TTC6: variants seen among roughly 807,000 people sequenced by gnomAD.
The protein encoded by TTC6 is tetratricopeptide repeat protein 6.
TTC6 carries 172 observed loss-of-function variants against 210.4 expected under a neutral mutation model. The observed-to-expected ratio is 0.82, with a 90% confidence interval of 0.72 to 0.93. The LOEUF is 0.93. Among genes scored for constraint, TTC6 ranks in the 40% least tolerant of loss-of-function variants. The probability of loss-of-function intolerance (pLI) is 0.00; values close to 1 mark genes in which losing one functional copy is unlikely to be tolerated. For synonymous variants in TTC6, 804 were observed against 819.6 expected (o/e 0.98, Z 0.32); for missense variants, 2,414 against 2,318.1 (o/e 1.04, Z -0.85).
intron 5 of TTC6, among the ~76,000 whole-genome samples, chr14:37,711,998 A>G (rs2095845485): frequency 6.6e-6 from 1 of 152,106 alleles, no homozygotes; most frequent in Non-Finnish European, 1.5e-5. Flanking sequence ...TTTTCTCTGG[A>G]CAAAAAGAAG....
chr14:37,770,756 C>G (rs1276450393), intron 14 of TTC6, among the ~76,000 whole-genome samples: 3 of 147,672 alleles, frequency 2.0e-5, no homozygotes, highest in African/African-American at 7.4e-5. Context: ...ACTCTTTATC[C>G]AATTTGCCAG....
intron 5 of TTC6, among the ~76,000 whole-genome samples, chr14:37,703,347 T>C (rs1801123444): frequency 6.6e-6 from 1 of 152,136 alleles, no homozygotes; most frequent in Non-Finnish European, 1.5e-5. Context: ...TGGCAATTTG[T>C]TCCTAAGTAC....
intron 29 of TTC6, among the ~76,000 whole-genome samples, chr14:37,835,654 G>T (rs4901297): frequency 0.87 from 132,156 of 152,098 alleles, 58,370 homozygotes; most frequent in Non-Finnish European, 0.95. Flanking sequence ...AGTGAACGGT[G>T]AAGAAAGAAA....
At chr14:37,652,559 T>A (rs2095714959) in intron 1 of TTC6, among the ~76,000 whole-genome samples, 1 of 152,196 alleles carries the variant, frequency 6.6e-6, no homozygotes, top group African/African-American at 2.4e-5. Flanking sequence ...AACATAGTTT[T>A]AAAAAATCAT....
upstream of TTC6, among the ~76,000 whole-genome samples, chr14:37,621,737 G>T (rs568092950): frequency 1.6e-4 from 24 of 152,312 alleles, no homozygotes; most frequent in African/African-American, 5.3e-4. Context: ...GCTATGTTTA[G>T]TATGATGCTG....
chr14:37,681,939 A>G (rs1283020820), intron 2 of TTC6, among the ~76,000 whole-genome samples: 1 of 152,116 alleles, frequency 6.6e-6, no homozygotes, highest in African/African-American at 2.4e-5. Flanking sequence ...ACCCTTTTGC[A>G]GTTAGATGGG....
At chr14:37,762,703 T>C (rs1290012623) in intron 14 of TTC6, among the ~76,000 whole-genome samples, 1 of 152,216 alleles carries the variant, frequency 6.6e-6, no homozygotes, top group Non-Finnish European at 1.5e-5. Context: ...TCCTTTGCTG[T>C]GCAGAAGCTT....
chr14:37,739,762 AAGTGATTT>A (rs2095913154), intron 10 of TTC6, among the ~76,000 whole-genome samples: 1 of 152,116 alleles, frequency 6.6e-6, no homozygotes, highest in Non-Finnish European at 1.5e-5. Context: ...AAGTTATTTG[AAGTGATTT>A]AGTAACAAAA....
At chr14:37,651,419 ATATATATTTTTTTTTTTTTTTT>A (rs1487588353) in intron 1 of TTC6, among the ~76,000 whole-genome samples, 3 of 20,716 alleles carry the variant, frequency 1.4e-4, no homozygotes, top group East Asian at 1.5e-3. Context: ...ATATATATAT[ATATATATTTTTTTTTTTTTTTT>A]TTTTTTTTTT....
chr14:37,829,156 A>G (rs2096178945), intron 29 of TTC6, among the ~76,000 whole-genome samples: 1 of 151,818 alleles, frequency 6.6e-6, no homozygotes, highest in Non-Finnish European at 1.5e-5. Context: ...AACTTTTAAA[A>G]TCCTTTGTTT....
chr14:37,806,782 A>C (rs1245406557), intron 22 of TTC6, among the ~76,000 whole-genome samples: 1 of 152,176 alleles, frequency 6.6e-6, no homozygotes, highest in Non-Finnish European at 1.5e-5. Context: ...TTATATACTC[A>C]TTAATTTTAC....
At chr14:37,770,184 C>G (rs1249923930) in intron 14 of TTC6, among the ~76,000 whole-genome samples, 5 of 152,134 alleles carry the variant, frequency 3.3e-5, no homozygotes, top group South Asian at 2.1e-4. Context: ...GTTATAATTT[C>G]TGTTCTTTTA....
At position 37,776,824 on chromosome 14, in the gene TTC6, C is replaced by T. The variant is rs189120996; in HGVS notation, c.3267-10644C>T. 6.0e-3 allele frequency among the ~76,000 whole-genome samples: 830 copies of T among 137,432 alleles called. 5 individuals are homozygous for T. The highest frequency in any genetic ancestry group is 0.013 in the South Asian group (51 of 3,946). The allele number at this position is 137,432 out of a possible 152,430, so 90.2% of individuals were successfully genotyped here. A position where few individuals can be genotyped will look rare whatever the true frequency, so the allele number is the denominator to read the frequency against. On this transcript the variant is annotated intron_variant, in intron 14 of 30. Coordinates refer to ENST00000553443, the Ensembl canonical transcript of TTC6. ...CACTTAAATCTGGGTTGGGCGGGGG[C>T]GGGCTGAGGTTGCAGTGAGCCGAGA...
At chr14:37,735,143 A>G (rs909392786) in intron 7 of TTC6, among the ~76,000 whole-genome samples, 4 of 152,166 alleles carry the variant, frequency 2.6e-5, no homozygotes, top group Non-Finnish European at 4.4e-5. Flanking sequence ...CAAAAACTCA[A>G]TGCTTGGTGA....
rs768798091 is a variant in TTC6, at chr14:37,827,373, T to G, written c.5298+7T>G. On this transcript the variant is annotated splice_region_variant and intron_variant, in intron 29 of 30. Transcript: ENST00000553443. ...CCACAGGCAGTTTTCCCAGGTAATG[T>G]GAGTTTTACTTAACGCTTTCTTTTT... 3 of 1,611,292 alleles carry G rather than the reference T, an allele frequency of 1.9e-6. No individual in the cohort carries two copies. Among genetic ancestry groups the G allele is most frequent in the Non-Finnish European group, 1.7e-6 (2 of 1,178,314 alleles).
intron 29 of TTC6, among the ~76,000 whole-genome samples, chr14:37,838,547 T>C (rs749787065): frequency 2.0e-5 from 3 of 152,188 alleles, no homozygotes; most frequent in Admixed American, 1.3e-4. Context: ...TTTTATACCT[T>C]TTTATGGTGT....
rs74564682 is a variant in TTC6 at position 37,711,084 on chromosome 14, T to C, written c.1572-3571T>C. On this transcript the variant is annotated intron_variant, in intron 5 of 30. Transcript: ENST00000553443. Reference sequence around the variant, plus strand: ...ACATTCCTAACAAGTTGTTATATGATACTAATGATGCTCGATAGGGAATAC... The same window carrying C: ...ACATTCCTAACAAGTTGTTATATGACACTAATGATGCTCGATAGGGAATAC... 2.8e-3 allele frequency among the ~76,000 whole-genome samples: 427 copies of C among 152,226 alleles called. 9 individuals are homozygous for C. The highest frequency in any genetic ancestry group is 0.02 in the Admixed American group (299 of 15,252).
At position 37,651,407 on chromosome 14, in the gene TTC6, ATATATATATATATATATATTTTTTTTT is replaced by A. The variant is rs1242703010; in HGVS notation, c.939+28406_939+28432del. Among the ~76,000 whole-genome samples, 50 of 16,842 alleles carry A rather than the reference ATATATATATATATATATATTTTTTTTT, an allele frequency of 3.0e-3. 1 individual carries two copies. Among genetic ancestry groups the A allele is most frequent in the African/African-American group, 9.3e-3 (34 of 3,666 alleles). 11.0% of individuals were successfully genotyped at this position (16,842 alleles called of 152,430 possible). On this transcript the variant is annotated intron_variant, in intron 1 of 30. Coordinates refer to ENST00000553443, the Ensembl canonical transcript of TTC6. ...TTATGTTATATATATATATATATAT[ATATATATATATATATATATTTTTTTTT>A]TTTTTTTTTTTTTTTTTTTCCATCC...
At chr14:37,620,636 T>C (rs964603240), upstream of TTC6, among the ~76,000 whole-genome samples, 3 of 152,230 alleles carry the variant, frequency 2.0e-5, no homozygotes, top group African/African-American at 7.2e-5. Context: ...CATAGCTAGC[T>C]GGCCCTGCTG....
Sources: allele counts gnomAD v4.1 joint callset (sites outside exome capture counted in the v4.1 genomes callset), GRCh38; gene constraint gnomAD v4.1.1; transcripts MANE v1.5; gene names NCBI Gene and HGNC (gene_info 2026-07-23, HGNC 2026-07-21).